The following SPTBN1 variants were observed in gnomAD, a reference collection of about 807,000 sequenced individuals.
SPTBN1 encodes the protein spectrin beta, non-erythrocytic 1, also known as spectrin beta chain, non-erythrocytic 1.
SPTBN1 carries 32 observed loss-of-function variants against 266.4 expected under a neutral mutation model. The observed-to-expected ratio is 0.12, with a 90% CI of 0.09 to 0.16. The LOEUF (loss-of-function observed/expected upper bound fraction) is 0.16, where lower values mean the gene tolerates loss of function less well. Ranked by LOEUF, SPTBN1 falls within the 10% of genes least tolerant of loss-of-function variation. The pLI, the probability that SPTBN1 is intolerant of heterozygous loss-of-function variation, is 1.00. For missense variants in SPTBN1, 2,296 were observed against 3,067.1 expected, an observed-to-expected ratio of 0.75 and a Z score of 5.94; for synonymous variants, 1,336 against 1,162.2, an observed-to-expected ratio of 1.15 and a Z score of -3.04.
At chr2:54,469,305 A>T (rs1382865017) in intron 1 of SPTBN1, among the ~76,000 whole-genome samples, 2 of 152,210 alleles carry the variant, frequency 1.3e-5, no homozygotes, top group Non-Finnish European at 2.9e-5. Flanking sequence ...AATTTCCTTT[A>T]GAAACTTGGG....
intron 1 of SPTBN1, among the ~76,000 whole-genome samples, chr2:54,517,072 TAG>T (rs1329750994): frequency 1.3e-5 from 2 of 151,926 alleles, no homozygotes; most frequent in African/African-American, 4.9e-5. Flanking sequence ...TCAGAGAGAA[TAG>T]AGTTTGAGTA....
rs552794874 is a variant in SPTBN1 at position 54,509,362 on chromosome 2, CG to C, written c.-47-17006del. 7.1e-3 allele frequency among the ~76,000 whole-genome samples: 1,074 copies of C among 152,044 alleles called. 11 individuals carry two copies. The highest frequency in any genetic ancestry group is 0.024 in the African/African-American group (984 of 41,460). ...AAAGAGTGAGTACAGCTGAAGGAGC[CG>C]GGGAGCAGAAAGTATATGCATCAGG... On this transcript the variant is annotated intron_variant, in intron 1 of 35. Transcript: ENST00000356805.
At chr2:54,600,408 T>A (rs1318553263) in intron 3 of SPTBN1, among the ~76,000 whole-genome samples, 1 of 152,104 alleles carries the variant, frequency 6.6e-6, no homozygotes, top group Admixed American at 6.6e-5. Context: ...TCATTTTCTG[T>A]GAGGGTTTGT....
At chr2:54,588,141 G>C (rs754652704) in intron 2 of SPTBN1, among the ~76,000 whole-genome samples, 52 of 152,146 alleles carry the variant, frequency 3.4e-4, no homozygotes, top group Non-Finnish European at 6.8e-4. Context: ...ATAACTGTTA[G>C]GCTTTGTGGG....
intron 1 of SPTBN1, among the ~76,000 whole-genome samples, chr2:54,512,071 A>G (rs1292134673): frequency 1.3e-5 from 2 of 152,112 alleles, no homozygotes; most frequent in East Asian, 3.9e-4. Context: ...TTGCGCTCCT[A>G]TGAGGCTGTA....
chr2:54,636,609 C>T (rs1202923089), intron 17 of SPTBN1, among the ~76,000 whole-genome samples: 1 of 152,218 alleles, frequency 6.6e-6, no homozygotes, highest in Non-Finnish European at 1.5e-5. Flanking sequence ...CACCAAGCTG[C>T]TCTTACTCAG....
At chr2:54,546,316 C>CT (rs1290849254) in intron 2 of SPTBN1, among the ~76,000 whole-genome samples, 3 of 152,180 alleles carry the variant, frequency 2.0e-5, no homozygotes, top group African/African-American at 7.2e-5. Context: ...TGGGCAAAGT[C>CT]TAAGTGTTTC....
Position 54,626,076 on chromosome 2 carries a change from A to C in SPTBN1, c.1486A>C (p.Ile496Leu), listed in dbSNP as rs1345312255. 7.4e-6 allele frequency: 12 copies of C among 1,614,150 alleles called. No homozygotes were observed. The highest frequency in any genetic ancestry group is 1.0e-5 in the Non-Finnish European group (12 of 1,180,036). The change falls in exon 12 of 36, where the codon ATC becomes CTC. Residue 496 changes from isoleucine (I) to leucine (L), a missense_variant. Around this residue, in one of 12 missense-constraint regions of SPTBN1, gnomAD observed 434 missense variants for 573.9 expected, o/e 0.76. Coordinates refer to ENST00000356805, the MANE Select transcript of SPTBN1 (RefSeq NM_003128.3). This position sits in a 1 kb window ranked among gnomAD's most constrained non-coding sequence, Gnocchi z 4.7. ...GCTCGAGGCCGAGAATTACCACGAC[A>C]TCAAGCGCATCACAGCGAGGAAGGA... Reference protein sequence around the residue: ...RELEAENYHDIKRITARKDNV... With the variant: ...RELEAENYHDLKRITARKDNV...
At chr2:54,656,177 G>A (rs924835773) in intron 29 of SPTBN1, among the ~76,000 whole-genome samples, 179 bp downstream of exon 29, 16 of 152,168 alleles carry the variant, frequency 1.1e-4, no homozygotes, top group African/African-American at 1.9e-4. Context: ...TTCCTATGGC[G>A]TAGTCATTTT....
intron 1 of SPTBN1, among the ~76,000 whole-genome samples, chr2:54,478,998 A>G (rs1041178111): frequency 3.9e-5 from 6 of 152,262 alleles, no homozygotes; most frequent in African/African-American, 1.4e-4. Flanking sequence ...CTGCATGTCC[A>G]CCTTTGTTTT....
Position 54,659,982 on chromosome 2 carries a change from G to A in SPTBN1, c.6403G>A (p.Glu2135Lys), listed in dbSNP as rs1326358541. ...AGTTTCCCAAAACGGTTTGCCAGCT[G>A]AACAGGGATCTCCACGGGTTAGTTA... ...EQVSQNGLPA[E>K]QGSPRMAETV... The change falls in exon 32 of 36, where the codon GAA becomes AAA. Residue 2135 changes from glutamate to lysine, a missense_variant. Physicochemically the swap from Glu to Lys is moderately conservative, Grantham distance 56 (BLOSUM62 1). Around this residue, in one of 12 missense-constraint regions of SPTBN1, gnomAD observed 347 missense variants for 368.5 expected, o/e 0.94. Transcript: ENST00000356805. The A allele has an allele frequency of 1.2e-6, 2 of 1,613,950 alleles. No individual in the cohort carries two copies. Among genetic ancestry groups the A allele is most frequent in the East Asian group, 4.5e-5 (2 of 44,888 alleles).
rs1573372981 is a variant in SPTBN1 at position 54,540,206 on chromosome 2, A to C, written c.148+13640A>C. Reference sequence around the variant, plus strand: ...TATTCTGTTTTAGCAGTCTGAACTAAGATGAATTTTTCTTTTCTAGTAATA... The same window carrying C: ...TATTCTGTTTTAGCAGTCTGAACTACGATGAATTTTTCTTTTCTAGTAATA... On this transcript the variant is annotated intron_variant, in intron 2 of 35. Coordinates refer to ENST00000356805, the MANE Select transcript of SPTBN1 (RefSeq NM_003128.3). This position sits in a 1 kb window ranked among gnomAD's most constrained non-coding sequence, Gnocchi z 5.6. Among the ~76,000 whole-genome samples, 1 of 152,220 alleles carries C rather than the reference A, an allele frequency of 6.6e-6. No individual in the cohort carries two copies. Among genetic ancestry groups the C allele is most frequent in the South Asian group, 2.1e-4 (1 of 4,836 alleles).
At chr2:54,529,419 A>G (rs764251002) in intron 2 of SPTBN1, 1 of 702,386 alleles carries the variant, frequency 1.4e-6, no homozygotes, top group Non-Finnish European at 2.6e-6. Flanking sequence ...TTAAAGGCCA[A>G]GAAGGTAGTG....
Position 54,614,797 on chromosome 2 carries a change from A to C in SPTBN1, c.475-1410A>C, listed in dbSNP as rs77784173. On this transcript the variant is annotated intron_variant, in intron 4 of 35. Transcript: ENST00000356805. ...CAGCCTGGGCGACAGAGACTGTCTCAAAAAAAAAAAAAAGTAAAAGATGGT... is the reference window on the plus strand; with the variant it reads ...CAGCCTGGGCGACAGAGACTGTCTCCAAAAAAAAAAAAAGTAAAAGATGGT... 2.1e-5 allele frequency among the ~76,000 whole-genome samples: 3 copies of C among 143,292 alleles called. No homozygotes were observed. In the East Asian group the frequency reaches 6.0e-4, roughly 28 times the overall value. 94.0% of individuals were successfully genotyped at this position (143,292 alleles called of 152,430 possible). A position where few individuals can be genotyped will look rare whatever the true frequency, so the allele number is the denominator to read the frequency against.
chr2:54,498,044 A>G (rs1303343090), intron 1 of SPTBN1, among the ~76,000 whole-genome samples: 2 of 152,230 alleles, frequency 1.3e-5, no homozygotes, highest in Non-Finnish European at 2.9e-5. Flanking sequence ...TTGTTTCTGT[A>G]TTCTTTTGCT....
intron 1 of SPTBN1, among the ~76,000 whole-genome samples, chr2:54,457,104 C>G (rs551365321): frequency 2.1e-4 from 31 of 151,216 alleles, no homozygotes; most frequent in Non-Finnish European, 4.1e-4. Flanking sequence ...GCGGCGGCCC[C>G]GCGCCCCCAC....
At chr2:54,597,863 C>G (rs1210278780) in intron 2 of SPTBN1, among the ~76,000 whole-genome samples, 2 of 118,454 alleles carry the variant, frequency 1.7e-5, no homozygotes, top group Admixed American at 1.8e-4. Flanking sequence ...GTTGAGCTAT[C>G]TGCTTTTTTT....
Position 54,664,813 on chromosome 2 carries a change from C to G in SPTBN1, c.6659+122C>G, listed in dbSNP as rs1347793499. On this transcript the variant is annotated intron_variant, in intron 33 of 35. Transcript: ENST00000356805. The surrounding 1 kb of genome is among the most constrained non-coding windows in gnomAD (Gnocchi z 5.6). ...GTAGTTTTATTCCTTTGGTAGCTTC[C>G]TGGACATTGCATTCTTCTTGGGCTG... 16 of 982,472 alleles carry G rather than the reference C, an allele frequency of 1.6e-5. No individual in the cohort carries two copies. The highest frequency in any genetic ancestry group is 2.2e-5 in the Non-Finnish European group (15 of 675,080). The allele number at this position is 982,472 out of a possible 1,614,324, so 60.9% of individuals were successfully genotyped here.
At chr2:54,466,284 A>G (rs1693625570) in intron 1 of SPTBN1, among the ~76,000 whole-genome samples, 1 of 152,242 alleles carries the variant, frequency 6.6e-6, no homozygotes, top group Admixed American at 6.5e-5. Context: ...ATGATATATA[A>G]GTACAACAGA....
Sources: allele counts gnomAD v4.1 joint callset (sites outside exome capture counted in the v4.1 genomes callset), GRCh38; gene constraint gnomAD v4.1.1; regional missense constraint gnomAD v4.1.1; non-coding constraint Gnocchi (gnomAD v3.1); transcripts MANE v1.5; gene names NCBI Gene and HGNC (gene_info 2026-07-23, HGNC 2026-07-21).